The following TMOD1 variants were observed in gnomAD, a reference collection of about 807,000 sequenced individuals.
TMOD1 encodes the protein tropomodulin-1.
TMOD1 carries 17 observed loss-of-function variants against 40.6 expected under a neutral mutation model. The observed-to-expected ratio is 0.42, with a 90% CI of 0.29 to 0.63. The LOEUF (loss-of-function observed/expected upper bound fraction) is 0.63. Among genes scored for constraint, TMOD1 ranks in the 20% least tolerant of loss-of-function variants. The pLI, the probability that TMOD1 is intolerant of heterozygous loss-of-function variation, is 0.22. For missense variants in TMOD1, 391 were observed against 447.6 expected, an observed-to-expected ratio of 0.87 and a Z score of 1.14; for synonymous variants, 181 against 175.0, an observed-to-expected ratio of 1.03 and a Z score of -0.27.
chr9:97,524,138 T>A lies in TMOD1; in HGVS notation c.-48-3T>A. ...CTTTCTAAGGTTCTTGTCTTTCTGG[T>A]AGGTATTACTCAGCACAGAAATTCA... On this transcript the variant is annotated splice_polypyrimidine_tract_variant and splice_region_variant and intron_variant, in intron 1 of 9. Coordinates refer to ENST00000259365, the MANE Select transcript of TMOD1 (RefSeq NM_003275.4). 6.3e-7 allele frequency: 1 copy of A among 1,578,482 alleles called. No individual in the cohort carries two copies. Among genetic ancestry groups the A allele is most frequent in the Non-Finnish European group, 8.6e-7 (1 of 1,164,516 alleles).
chr9:97,577,329 C>G (rs1347009483), intron 8 of TMOD1, among the ~76,000 whole-genome samples: 2 of 152,338 alleles, frequency 1.3e-5, no homozygotes, highest in South Asian at 2.1e-4. Context: ...GTCAGTCCTA[C>G]TTCTGCCTTC....
chr9:97,507,931 C>G (rs768734086), intron 1 of TMOD1, among the ~76,000 whole-genome samples: 1 of 152,092 alleles, frequency 6.6e-6, no homozygotes, highest in Non-Finnish European at 1.5e-5. Flanking sequence ...AGGCGGACTC[C>G]GGATCAGTCT....
chr9:97,545,466 T>C (rs1429646801), intron 2 of TMOD1, among the ~76,000 whole-genome samples: 4 of 152,222 alleles, frequency 2.6e-5, no homozygotes, highest in Non-Finnish European at 5.9e-5. Context: ...AAGGGAACAA[T>C]TGGTTGATGT....
chr9:97,580,727 G>C (rs12685683), intron 8 of TMOD1, among the ~76,000 whole-genome samples: 25,034 of 152,154 alleles, frequency 0.16, 2,297 homozygotes, highest in Middle Eastern at 0.35. Context: ...AGCAAGGATA[G>C]TAACATTTAT....
intron 7 of TMOD1, among the ~76,000 whole-genome samples, chr9:97,566,923 A>G (rs1830738078): frequency 6.6e-6 from 1 of 152,152 alleles, no homozygotes; most frequent in Admixed American, 6.5e-5. Context: ...CCACTTTCAT[A>G]AAGATTCTGG....
At chr9:97,510,237 C>T (rs1263617075) in intron 1 of TMOD1, among the ~76,000 whole-genome samples, 2 of 148,786 alleles carry the variant, frequency 1.3e-5, no homozygotes, top group African/African-American at 2.5e-5. Context: ...TACAAGTTAG[C>T]TTTTTTTTTT....
Position 97,600,672 on chromosome 9 carries a change from A to C in TMOD1, c.*974A>C. The C allele has an allele frequency of 2.0e-6, 2 of 991,810 alleles. No homozygotes were observed. The highest frequency in any genetic ancestry group is 2.4e-6 in the Non-Finnish European group (2 of 833,882). 61.4% of individuals were successfully genotyped at this position (991,810 alleles called of 1,614,324 possible). ...TCACTTATTAGACAAATTGCTGCTG[A>C]CCTTACGCCTGTATATTAAGCCTCC... On this transcript the variant is annotated 3_prime_UTR_variant, in exon 10 of 10. Transcript: ENST00000259365.
chr9:97,555,054 G>A (rs1463323285), intron 4 of TMOD1, among the ~76,000 whole-genome samples: 1 of 152,148 alleles, frequency 6.6e-6, no homozygotes, highest in African/African-American at 2.4e-5. Flanking sequence ...TATTGGGACT[G>A]AGAGAGAATG....
chr9:97,506,332 T>G (rs1296564677), intron 1 of TMOD1, among the ~76,000 whole-genome samples: 1 of 147,628 alleles, frequency 6.8e-6, no homozygotes, highest in Non-Finnish European at 1.5e-5. Flanking sequence ...CTGACTCATT[T>G]ATTTCTGCTT....
intron 8 of TMOD1, among the ~76,000 whole-genome samples, chr9:97,579,494 C>T (rs1219513002): frequency 6.6e-6 from 1 of 152,118 alleles, no homozygotes; most frequent in Non-Finnish European, 1.5e-5. Flanking sequence ...GTTGCCTGCC[C>T]AGGTTGGTCT....
chr9:97,556,517 A>G (rs1386060965), intron 4 of TMOD1, among the ~76,000 whole-genome samples: 1 of 152,094 alleles, frequency 6.6e-6, no homozygotes, highest in Non-Finnish European at 1.5e-5. Flanking sequence ...CGTCCAGGTC[A>G]CCTGTAGTTG....
intron 8 of TMOD1, 46 bp from the exon 9 acceptor site, chr9:97,591,245 T>C (rs376558556): frequency 1.9e-6 from 3 of 1,541,618 alleles, no homozygotes; most frequent in Non-Finnish European, 2.6e-6. Context: ...ACACATGGAA[T>C]GAGTGGTGAT....
chr9:97,564,176 C>T lies in TMOD1; in HGVS notation c.618+8C>T. On this transcript the variant is annotated splice_region_variant and intron_variant, in intron 6 of 9. Coordinates refer to ENST00000259365, the MANE Select transcript of TMOD1 (RefSeq NM_003275.4). ...AACCTCAATAATATCCGGGTAAGGTCCATTTATTTCACTTTACCTGTGTGT... is the reference window on the plus strand; with the variant it reads ...AACCTCAATAATATCCGGGTAAGGTTCATTTATTTCACTTTACCTGTGTGT... 1 of 1,581,502 alleles carries T rather than the reference C, an allele frequency of 6.3e-7. No individual in the cohort carries two copies. Among genetic ancestry groups the T allele is most frequent in the South Asian group, 1.1e-5 (1 of 87,010 alleles).
Position 97,557,319 on chromosome 9 carries a change from T to G in TMOD1, c.397+3919T>G, listed in dbSNP as rs79405358. 0.013 allele frequency among the ~76,000 whole-genome samples: 2,004 copies of G among 152,204 alleles called. 96 individuals carry two copies. The highest frequency in any genetic ancestry group is 0.11 in the East Asian group (581 of 5,160). ...GCTGCTGGGAGTCAGCAAGCACTTGTAATTCGCAGTGCCTCCCCTGCCCAC... is the reference window on the plus strand; with the variant it reads ...GCTGCTGGGAGTCAGCAAGCACTTGGAATTCGCAGTGCCTCCCCTGCCCAC... On this transcript the variant is annotated intron_variant, in intron 4 of 9. Transcript: ENST00000259365. The surrounding 1 kb of genome is among the most constrained non-coding windows in gnomAD (Gnocchi z 4.4).
intron 3 of TMOD1, among the ~76,000 whole-genome samples, chr9:97,551,827 A>AT (rs1830458546): frequency 6.6e-6 from 1 of 152,074 alleles, no homozygotes; most frequent in South Asian, 2.1e-4. Context: ...AACTTAAAAT[A>AT]TTTTTTCATT....
intron 6 of TMOD1, among the ~76,000 whole-genome samples, chr9:97,564,541 C>CTA (rs1212464948): frequency 1.3e-5 from 2 of 152,198 alleles, no homozygotes; most frequent in Non-Finnish European, 2.9e-5. Flanking sequence ...CTGGAAAAGT[C>CTA]CGGTGCCCAC....
chr9:97,563,080 G>T (rs543486394), intron 5 of TMOD1, among the ~76,000 whole-genome samples: 2 of 152,158 alleles, frequency 1.3e-5, no homozygotes, highest in South Asian at 4.2e-4. Context: ...TTTAGACAGG[G>T]TCTTGCTCTG....
chr9:97,518,056 C>T (rs77598903), intron 1 of TMOD1, among the ~76,000 whole-genome samples: 1 of 152,212 alleles, frequency 6.6e-6, no homozygotes, highest in African/African-American at 2.4e-5. Context: ...CGATGGGCCC[C>T]CCAGCTTCTC....
At chr9:97,529,887 C>T (rs1206615646) in intron 2 of TMOD1, among the ~76,000 whole-genome samples, 1 of 152,208 alleles carries the variant, frequency 6.6e-6, no homozygotes, top group Non-Finnish European at 1.5e-5. Context: ...GTGCCATAAG[C>T]AAAGCCCTAC....
Sources: allele counts gnomAD v4.1 joint callset (sites outside exome capture counted in the v4.1 genomes callset), GRCh38; gene constraint gnomAD v4.1.1; non-coding constraint Gnocchi (gnomAD v3.1); transcripts MANE v1.5; gene names NCBI Gene and HGNC (gene_info 2026-07-23, HGNC 2026-07-21).